The following PPP2R2C variants were observed in gnomAD, a reference collection of about 807,000 sequenced individuals.
PPP2R2C encodes protein phosphatase 2 regulatory subunit Bgamma, also known as protein phosphatase 2, regulatory subunit B, gamma.
A neutral mutation model predicts 45.3 loss-of-function variants in PPP2R2C; 10 were observed. That is an observed-to-expected ratio of 0.22 (90% CI 0.14 to 0.37). The LOEUF (loss-of-function observed/expected upper bound fraction) is 0.37, where lower values mean the gene tolerates loss of function less well. Ranked by LOEUF, PPP2R2C falls within the 10% of genes least tolerant of loss-of-function variation. PPP2R2C has a pLI of 1.00. For synonymous variants in PPP2R2C, 257 were observed against 245.4 expected (o/e 1.05, Z -0.44); for missense variants, 308 against 619.7 (o/e 0.50, Z 5.34).
intron 1 of PPP2R2C, among the ~76,000 whole-genome samples, chr4:6,438,407 C>A (rs1242795872): frequency 6.6e-6 from 1 of 152,178 alleles, no homozygotes; most frequent in Non-Finnish European, 1.5e-5. Context: ...TCCCTGCGCA[C>A]CTACCTCTTA....
intron 1 of PPP2R2C, among the ~76,000 whole-genome samples, chr4:6,538,978 G>A (rs1030434186): frequency 3.3e-5 from 5 of 152,178 alleles, no homozygotes; most frequent in African/African-American, 9.7e-5. Context: ...CTTTCCACCA[G>A]GAAGGGCTAG....
chr4:6,350,212 C>A lies in PPP2R2C; in HGVS notation c.626-2202G>T, dbSNP rs918492337. The A allele has an allele frequency of 2.0e-5, 20 of 985,466 alleles. No homozygotes were observed. In the Admixed American group the frequency reaches 1.2e-3, roughly 60 times the overall value. 61.0% of individuals were successfully genotyped at this position (985,466 alleles called of 1,614,324 possible). A position where few individuals can be genotyped will look rare whatever the true frequency, so the allele number is the denominator to read the frequency against. ...AAGCAAGAAAAGAGCCCTCCTCCTGCCATGCTGATTTCTCCAGCGTCCACC... is the reference window on the plus strand; with the variant it reads ...AAGCAAGAAAAGAGCCCTCCTCCTGACATGCTGATTTCTCCAGCGTCCACC... On this transcript the variant is annotated intron_variant, in intron 5 of 8. Coordinates refer to ENST00000382599, the MANE Select transcript of PPP2R2C (RefSeq NM_020416.4).
intron 2 of PPP2R2C, among the ~76,000 whole-genome samples, chr4:6,511,372 G>GTGA (rs1723457937): frequency 7.1e-6 from 1 of 141,070 alleles, no homozygotes; most frequent in Admixed American, 7.0e-5. Flanking sequence ...GGTGGTGGTG[G>GTGA]CGGTGATGGT....
chr4:6,337,112 GTATATATATA>G lies in PPP2R2C; in HGVS notation c.791-3391_791-3382del, dbSNP rs61657951. Among the ~76,000 whole-genome samples, 198 of 30,120 alleles carry G rather than the reference GTATATATATA, an allele frequency of 6.6e-3. 7 individuals carry two copies. Among genetic ancestry groups the G allele is most frequent in the African/African-American group, 0.017 (168 of 9,742 alleles). 19.8% of individuals were successfully genotyped at this position (30,120 alleles called of 152,430 possible). A position where few individuals can be genotyped will look rare whatever the true frequency, so the allele number is the denominator to read the frequency against. On this transcript the variant is annotated intron_variant, in intron 6 of 8. Coordinates refer to ENST00000382599, the MANE Select transcript of PPP2R2C (RefSeq NM_020416.4). ...CATCTTTGTTTCTGTATGTGTGTGT[GTATATATATA>G]TATATATATATATATATATATATAT...
At chr4:6,463,147 A>C (rs556763247) in intron 1 of PPP2R2C, among the ~76,000 whole-genome samples, 1 of 152,260 alleles carries the variant, frequency 6.6e-6, no homozygotes, top group South Asian at 2.1e-4. Flanking sequence ...CCTTTTATTG[A>C]GATTAACCTA....
Position 6,445,156 on chromosome 4 carries a change from T to C in PPP2R2C, c.70+27004A>G, listed in dbSNP as rs559052974. ...GTGAGCTGAGATCACATCACTGCACTCCAGCCTAGGTGACAGAGTGAGACC... is the reference window on the plus strand; with the variant it reads ...GTGAGCTGAGATCACATCACTGCACCCCAGCCTAGGTGACAGAGTGAGACC... On this transcript the variant is annotated intron_variant, in intron 1 of 8. Transcript: ENST00000382599. 8.6e-5 allele frequency among the ~76,000 whole-genome samples: 13 copies of C among 151,732 alleles called. No individual in the cohort carries two copies. The East Asian group carries it at 2.5e-3, about 29-fold the overall frequency.
intron 2 of PPP2R2C, among the ~76,000 whole-genome samples, chr4:6,519,598 A>C (rs1723950046): frequency 6.6e-6 from 1 of 152,214 alleles, no homozygotes; most frequent in Non-Finnish European, 1.5e-5. Context: ...TCCACTACTC[A>C]GTGGTGAGGC....
At chr4:6,334,295 C>A (rs550091368) in intron 6 of PPP2R2C, among the ~76,000 whole-genome samples, 26 of 152,274 alleles carry the variant, frequency 1.7e-4, no homozygotes, top group Non-Finnish European at 3.1e-4. Flanking sequence ...AATCTGACTG[C>A]CACAGAGTTG....
rs35392985 is a variant in PPP2R2C at position 6,483,113 on chromosome 4, GGATA to G, written c.49+52154_49+52157del. ...GTAATTAGATGACTGATAGATAAAT[GGATA>G]GATAGATAGATAGATAGATAGATAG... On this transcript the variant is annotated intron_variant, in intron 2 of 9. Coordinates refer to the PPP2R2C transcript ENST00000506140. Among the ~76,000 whole-genome samples, 587 of 140,868 alleles carry G rather than the reference GGATA, an allele frequency of 4.2e-3. 5 individuals are homozygous for G. Among genetic ancestry groups the G allele is most frequent in the African/African-American group, 0.014 (540 of 38,552 alleles). The allele number at this position is 140,868 out of a possible 152,430, so 92.4% of individuals were successfully genotyped here.
At chr4:6,543,325 C>G (rs1294968064) in intron 1 of PPP2R2C, among the ~76,000 whole-genome samples, 1 of 152,206 alleles carries the variant, frequency 6.6e-6, no homozygotes, top group Non-Finnish European at 1.5e-5. Flanking sequence ...ATCGACACCC[C>G]ACACACTGAA....
intron 1 of PPP2R2C, among the ~76,000 whole-genome samples, chr4:6,468,771 C>T (rs1441921532): frequency 6.6e-6 from 1 of 152,040 alleles, no homozygotes; most frequent in Middle Eastern, 3.2e-3. Context: ...AGTGCTTATT[C>T]AACTCACTCT....
At chr4:6,435,434 T>C (rs1247136376) in intron 1 of PPP2R2C, among the ~76,000 whole-genome samples, 2 of 152,240 alleles carry the variant, frequency 1.3e-5, no homozygotes, top group Non-Finnish European at 2.9e-5. Context: ...TGCTCAATTA[T>C]TTTTTTCCTT....
chr4:6,344,389 A>C (rs908151756), intron 6 of PPP2R2C, among the ~76,000 whole-genome samples: 2 of 152,194 alleles, frequency 1.3e-5, no homozygotes, highest in Non-Finnish European at 2.9e-5. Context: ...TACGTGGCTG[A>C]AATGGATGTG....
intron 2 of PPP2R2C, among the ~76,000 whole-genome samples, chr4:6,523,902 GTTTTGT>G (rs996973403): frequency 6.0e-4 from 91 of 152,174 alleles, no homozygotes; most frequent in Admixed American, 1.3e-3. Flanking sequence ...AAGGAATGAA[GTTTTGT>G]TTTTGTTTTT....
intron 1 of PPP2R2C, among the ~76,000 whole-genome samples, chr4:6,423,468 T>G (rs1054378328): frequency 2.0e-5 from 3 of 152,182 alleles, no homozygotes; most frequent in African/African-American, 4.8e-5. Flanking sequence ...CCTCCCAAAG[T>G]GCTGGGATTA....
At chr4:6,499,310 T>G (rs1259415679) in intron 2 of PPP2R2C, among the ~76,000 whole-genome samples, 5 of 152,208 alleles carry the variant, frequency 3.3e-5, no homozygotes, top group African/African-American at 1.2e-4. Context: ...CAGATAGGCA[T>G]GAAGTACATT....
chr4:6,556,333 G>A (rs1479819085), intron 1 of PPP2R2C, among the ~76,000 whole-genome samples: 1 of 152,168 alleles, frequency 6.6e-6, no homozygotes, highest in Admixed American at 6.5e-5. Flanking sequence ...CTCTCTGTCT[G>A]TCTGCTGGAG....
chr4:6,515,835 C>T (rs1045076218), intron 2 of PPP2R2C, among the ~76,000 whole-genome samples: 5 of 152,184 alleles, frequency 3.3e-5, no homozygotes, highest in South Asian at 2.1e-4. Flanking sequence ...TCCGGCAGAG[C>T]CACCAGGGAT....
intron 1 of PPP2R2C, among the ~76,000 whole-genome samples, chr4:6,410,544 G>A (rs1189946283): frequency 2.0e-5 from 3 of 152,180 alleles, no homozygotes; most frequent in African/African-American, 7.2e-5. Flanking sequence ...GGGCAGAGAG[G>A]CACGCCAGGT....
Sources: allele counts gnomAD v4.1 joint callset (sites outside exome capture counted in the v4.1 genomes callset), GRCh38; gene constraint gnomAD v4.1.1; transcripts MANE v1.5; gene names NCBI Gene and HGNC (gene_info 2026-07-23, HGNC 2026-07-21).